Variants in GABRB2 observed in about 807,000 individuals in gnomAD.
The protein encoded by GABRB2 is gamma-aminobutyric acid type A receptor subunit beta2.
In GABRB2, 16 loss-of-function variants were observed where a neutral mutation model predicts 54.7. That is an observed-to-expected ratio of 0.29 (90% CI 0.20 to 0.44). The LOEUF (loss-of-function observed/expected upper bound fraction) is 0.44. GABRB2 is among the 20% of genes least tolerant of loss of function. The pLI is 1.00. For missense variants in GABRB2, 355 were observed against 644.0 expected, an observed-to-expected ratio of 0.55 and a Z score of 4.86; for synonymous variants, 244 against 233.8, an observed-to-expected ratio of 1.04 and a Z score of -0.40.
chr5:161,399,185 T>A (rs978384902), intron 5 of GABRB2, among the ~76,000 whole-genome samples: 5 of 152,186 alleles, frequency 3.3e-5, no homozygotes, highest in Admixed American at 6.5e-5. Context: ...AAGAGGAATG[T>A]GTTAATCATA....
intron 4 of GABRB2, among the ~76,000 whole-genome samples, chr5:161,458,155 T>C (rs1467372925): frequency 6.6e-6 from 1 of 152,188 alleles, no homozygotes; most frequent in Non-Finnish European, 1.5e-5. Context: ...CACCCTCTCA[T>C]CAAGGTCTCT....
chr5:161,351,924 A>G (rs1468940080), intron 5 of GABRB2, among the ~76,000 whole-genome samples: 2 of 152,112 alleles, frequency 1.3e-5, no homozygotes, highest in Non-Finnish European at 2.9e-5. Flanking sequence ...AAGAAGACAT[A>G]TAAATGGCAA....
intron 3 of GABRB2, among the ~76,000 whole-genome samples, chr5:161,522,701 C>A (rs540619353): frequency 6.6e-6 from 1 of 151,396 alleles, no homozygotes; most frequent in East Asian, 1.9e-4. Context: ...AAAACAACAA[C>A]GAAAAGAGAC....
intron 3 of GABRB2, among the ~76,000 whole-genome samples, chr5:161,469,130 G>A (rs1758362130): frequency 6.6e-6 from 1 of 151,852 alleles, no homozygotes; most frequent in African/African-American, 2.4e-5. Context: ...GTGATGACAT[G>A]TCAAGTGATT....
At chr5:161,475,493 C>T (rs879615876) in intron 3 of GABRB2, among the ~76,000 whole-genome samples, 3 of 151,764 alleles carry the variant, frequency 2.0e-5, no homozygotes, top group Non-Finnish European at 2.9e-5. Context: ...TACACTAATC[C>T]CAAAGTCAAA....
chr5:161,314,965 G>A (rs1283711550), intron 9 of GABRB2, among the ~76,000 whole-genome samples: 1 of 152,004 alleles, frequency 6.6e-6, no homozygotes, highest in African/African-American at 2.4e-5. Flanking sequence ...GAAAACTATG[G>A]CACATTTTTC....
At chr5:161,479,392 A>T (rs759571312) in intron 3 of GABRB2, among the ~76,000 whole-genome samples, 2 of 151,894 alleles carry the variant, frequency 1.3e-5, no homozygotes, top group African/African-American at 2.4e-5. Context: ...TACTTCTTAC[A>T]TTGTGCAACC....
At chr5:161,305,951 T>C (rs968887515) in intron 9 of GABRB2, among the ~76,000 whole-genome samples, 5 of 152,268 alleles carry the variant, frequency 3.3e-5, no homozygotes, top group African/African-American at 1.2e-4. Flanking sequence ...GCCATACTCC[T>C]TTCCCCTTTA....
intron 4 of GABRB2, among the ~76,000 whole-genome samples, chr5:161,449,367 C>T (rs1024636030): frequency 2.0e-5 from 3 of 152,162 alleles, no homozygotes; most frequent in Admixed American, 2.0e-4. Flanking sequence ...ACTACTACTA[C>T]AACTGACTCA....
At chr5:161,487,957 C>T (rs988981412) in intron 3 of GABRB2, among the ~76,000 whole-genome samples, 1 of 151,398 alleles carries the variant, frequency 6.6e-6, no homozygotes, top group East Asian at 1.9e-4. Flanking sequence ...GTGTCATAGG[C>T]TAAACATCCC....
chr5:161,473,335 A>G (rs1168383880), intron 3 of GABRB2, among the ~76,000 whole-genome samples: 1 of 152,028 alleles, frequency 6.6e-6, no homozygotes, highest in African/African-American at 2.4e-5. Context: ...TTATTACAAA[A>G]TGCTGAAGTT....
Position 161,393,565 on chromosome 5 carries a change from A to G in GABRB2, c.541+17410T>C, listed in dbSNP as rs75138248. ...ATAAAATAAAAATAAACAAAGAGAA[A>G]AATATTTATTATGCAAAAAGTATGG... On this transcript the variant is annotated intron_variant, in intron 5 of 9. Transcript: ENST00000393959. Among the ~76,000 whole-genome samples, 1,037 of 152,050 alleles carry G rather than the reference A, an allele frequency of 6.8e-3. 17 individuals carry two copies. The highest frequency in any genetic ancestry group is 0.024 in the African/African-American group (989 of 41,550).
At chr5:161,464,299 A>T (rs1392159020) in intron 3 of GABRB2, among the ~76,000 whole-genome samples, 2 of 152,246 alleles carry the variant, frequency 1.3e-5, no homozygotes, top group African/African-American at 4.8e-5. Flanking sequence ...CAGACACTTA[A>T]CCAAAGATAC....
In GABRB2 at chr5:161,522,347, C is replaced by G. The variant is rs941003291; in HGVS notation, c.237+22880G>C. On this transcript the variant is annotated intron_variant, in intron 3 of 9. Transcript: ENST00000393959. ...ATAAAAAATACAGCATCCAACAACACTACTGCAGACTCCTGCAGGCACGAT... is the reference window on the plus strand; with the variant it reads ...ATAAAAAATACAGCATCCAACAACAGTACTGCAGACTCCTGCAGGCACGAT... Among the ~76,000 whole-genome samples the G allele has an allele frequency of 8.6e-5, 13 of 151,854 alleles. No individual in the cohort carries two copies. In the South Asian group the frequency reaches 2.7e-3, roughly 31 times the overall value.
chr5:161,381,919 T>TA (rs2113484616), intron 5 of GABRB2, among the ~76,000 whole-genome samples: 1 of 152,314 alleles, frequency 6.6e-6, no homozygotes, highest in South Asian at 2.1e-4. Context: ...CACAGTACAG[T>TA]ATGGGATATG....
intron 5 of GABRB2, among the ~76,000 whole-genome samples, chr5:161,389,723 C>T (rs1345957365): frequency 6.6e-6 from 1 of 151,598 alleles, no homozygotes; most frequent in Non-Finnish European, 1.5e-5. Context: ...AAAGTTTTCA[C>T]CAATATAATA....
intron 3 of GABRB2, among the ~76,000 whole-genome samples, chr5:161,522,283 A>G (rs1760138607): frequency 6.6e-6 from 1 of 151,806 alleles, no homozygotes; most frequent in Non-Finnish European, 1.5e-5. Flanking sequence ...TTAGCTTTTC[A>G]ATAAAATTCT....
chr5:161,289,420 A>G lies in GABRB2; in HGVS notation c.*4661T>C, dbSNP rs1757177474. On this transcript the variant is annotated 3_prime_UTR_variant, in exon 10 of 10. Transcript: ENST00000393959. ...TTTTTTCCTTTTTTGTTTTTCAATA[A>G]TTCTGGAGTCTTTGGTTGAAAGGAA... 6.7e-6 allele frequency: 1 copy of G among 149,912 alleles called. No individual in the cohort carries two copies. The highest frequency in any genetic ancestry group is 1.5e-5 in the Non-Finnish European group (1 of 67,580). 9.3% of individuals were successfully genotyped at this position (149,912 alleles called of 1,614,324 possible).
intron 9 of GABRB2, among the ~76,000 whole-genome samples, chr5:161,312,706 C>T (rs1197607548): frequency 6.6e-6 from 1 of 152,188 alleles, no homozygotes; most frequent in Non-Finnish European, 1.5e-5. Context: ...GTTTTGTGAG[C>T]ATCGAGTCGT....
Sources: allele counts gnomAD v4.1 joint callset (sites outside exome capture counted in the v4.1 genomes callset), GRCh38; gene constraint gnomAD v4.1.1; transcripts MANE v1.5; gene names NCBI Gene and HGNC (gene_info 2026-07-23, HGNC 2026-07-21).